WDR36: variants seen among roughly 807,000 people sequenced by gnomAD.
WDR36 encodes WD repeat-containing protein 36.
WDR36 carries 63 observed loss-of-function variants against 112.7 expected under a neutral mutation model. The observed-to-expected ratio is 0.56, with a 90% CI of 0.46 to 0.69. The LOEUF (loss-of-function observed/expected upper bound fraction) is 0.69, where lower values mean the gene tolerates loss of function less well. WDR36 is among the 30% of genes least tolerant of loss of function. WDR36 has a pLI of 0.00. For missense variants in WDR36, 1,226 were observed against 1,070.3 expected (o/e 1.15, Z -2.03); for synonymous variants, 410 against 362.2 (o/e 1.13, Z -1.50).
intron 17 of WDR36, 59 bp from the exon 18 acceptor site, chr5:111,120,436 GT>G: frequency 7.6e-7 from 1 of 1,309,728 alleles, no homozygotes; most frequent in South Asian, 1.2e-5. Context: ...ATTGTAGAGT[GT>G]TTCTCTGAAA....
At chr5:111,101,954 G>A (rs763368897) in intron 5 of WDR36, among the ~76,000 whole-genome samples, 4 of 151,604 alleles carry the variant, frequency 2.6e-5, no homozygotes, top group Non-Finnish European at 4.4e-5. Context: ...CATTACTGTT[G>A]TCATATAACA....
rs373996160 is a variant in WDR36 at position 111,095,704 on chromosome 5, A to G, written c.190+757A>G. 3.9e-5 allele frequency among the ~76,000 whole-genome samples: 6 copies of G among 152,348 alleles called. 1 individual carries two copies. The highest frequency in any genetic ancestry group is 1.9e-4 in the East Asian group (1 of 5,188). ...TTATACATATAGTCCAAAATCCAAA[A>G]AAATCCGGAATCTGAAACACTTCTG... On this transcript the variant is annotated intron_variant, in intron 2 of 22. Coordinates refer to ENST00000513710, the MANE Select transcript of WDR36 (RefSeq NM_139281.3).
chr5:111,098,909 T>A, intron 4 of WDR36, 70 bp downstream of exon 4: 1 of 1,092,372 alleles, frequency 9.2e-7, no homozygotes, highest in Non-Finnish European at 1.4e-6. Flanking sequence ...AAAATCTATG[T>A]AAACATCTAT....
chr5:111,121,025 C>A lies in WDR36; in HGVS notation c.2032C>A (p.Pro678Thr). ...DVEVSEETVE[P>T]SDELIEYDSP... is the part of the protein sequence containing the mutation. ...AGAAGTATCAGAAGAAACAGTAGAACCAAGTGATGAATTGATAGAATATGA... is the reference window on the plus strand; with the variant it reads ...AGAAGTATCAGAAGAAACAGTAGAAACAAGTGATGAATTGATAGAATATGA... Residue 678 changes from proline (P) to threonine (T), a missense_variant, in exon 19 of 23, where the codon CCA becomes ACA. Physicochemically the swap from Pro to Thr is conservative, Grantham distance 38 (BLOSUM62 -1). Coordinates refer to ENST00000513710, the MANE Select transcript of WDR36 (RefSeq NM_139281.3). The A allele has an allele frequency of 6.2e-7, 1 of 1,613,266 alleles. No individual in the cohort carries two copies. The highest frequency in any genetic ancestry group is 8.5e-7 in the Non-Finnish European group (1 of 1,179,520).
intron 5 of WDR36, among the ~76,000 whole-genome samples, chr5:111,101,810 C>CAAAGACAG (rs1159264899): frequency 2.6e-4 from 40 of 151,830 alleles, no homozygotes; most frequent in Non-Finnish European, 4.9e-4. Flanking sequence ...GACTGAAATA[C>CAAAGACAG]TGTCTTTGCC....
rs1299086397 is a variant in WDR36 at position 111,128,640 on chromosome 5, T to G, written c.*1757T>G. ...ATCATGAACCGAATTTTCTTCTCTT[T>G]TTAAAGTGAGCATAAAGACTTAAGT... On this transcript the variant is annotated 3_prime_UTR_variant, in exon 23 of 23. Coordinates refer to ENST00000513710, the MANE Select transcript of WDR36 (RefSeq NM_139281.3). 1.7e-5 allele frequency: 3 copies of G among 181,784 alleles called. No homozygotes were observed. Among genetic ancestry groups the G allele is most frequent in the Non-Finnish European group, 3.5e-5 (3 of 85,226 alleles). The allele number at this position is 181,784 out of a possible 1,614,324, so 11.3% of individuals were successfully genotyped here. A position where few individuals can be genotyped will look rare whatever the true frequency, so the allele number is the denominator to read the frequency against.
At chr5:111,097,006 T>C in intron 2 of WDR36, 73 bp from the exon 3 acceptor site, 1 of 1,009,252 alleles carries the variant, frequency 9.9e-7, no homozygotes, top group South Asian at 1.3e-5. Context: ...ATGAAAAATG[T>C]TATATGTATA....
At chr5:111,121,401 A>G (rs1561709920) in intron 19 of WDR36, among the ~76,000 whole-genome samples, 1 of 152,290 alleles carries the variant, frequency 6.6e-6, no homozygotes, top group East Asian at 1.9e-4. Flanking sequence ...GAGCTACTGG[A>G]AACTGATCTT....
chr5:111,094,909 T>G lies in WDR36; in HGVS notation c.163-11T>G, dbSNP rs369225885. On this transcript the variant is annotated splice_polypyrimidine_tract_variant and intron_variant, in intron 1 of 22. Transcript: ENST00000513710. The stretch of plus-strand genomic sequence containing the variant: ...TTAATGAAAATTTAACCTTTTTTCT[T>G]TTTTAAACAGGTTCAGAAACTTAGT... 1 of 1,597,444 alleles carries G rather than the reference T, an allele frequency of 6.3e-7. No individual in the cohort carries two copies. Among genetic ancestry groups the G allele is most frequent in the Non-Finnish European group, 8.6e-7 (1 of 1,169,008 alleles).
intron 8 of WDR36, 97 bp from the exon 9 acceptor site, chr5:111,104,600 A>G (rs901597969): frequency 1.9e-6 from 3 of 1,577,398 alleles, no homozygotes; most frequent in Admixed American, 1.7e-5. Flanking sequence ...CTTAGCAAGC[A>G]CTACTCAATA....
chr5:111,127,224 T>TA lies in WDR36; in HGVS notation c.*344dup. ...ACACCTGCCTTTTGTTTTGAAGACT[T>TA]AAAGAATCTGCTCAAATGATTTATT... On this transcript the variant is annotated 3_prime_UTR_variant, in exon 23 of 23. Transcript: ENST00000513710. 4.3e-6 allele frequency: 1 copy of TA among 232,478 alleles called. No homozygotes were observed. Among genetic ancestry groups the TA allele is most frequent in the Admixed American group, 5.5e-5 (1 of 18,224 alleles). 14.4% of individuals were successfully genotyped at this position (232,478 alleles called of 1,614,324 possible). A position where few individuals can be genotyped will look rare whatever the true frequency, so the allele number is the denominator to read the frequency against.
At chr5:111,109,674 C>A (rs1343985464) in intron 12 of WDR36, among the ~76,000 whole-genome samples, 1 of 151,078 alleles carries the variant, frequency 6.6e-6, no homozygotes, top group East Asian at 1.9e-4. Flanking sequence ...TATTATAGAA[C>A]CTGCTTATAA....
chr5:111,110,254 A>G lies in WDR36; in HGVS notation c.1392A>G (p.Val464=), dbSNP rs1561705902. Residue 464 remains valine (V), a synonymous_variant, in exon 13 of 23, where the codon GTA becomes GTG. Transcript: ENST00000513710. ...GCCTCTCATCAGGAACTGTAGATGT[A>G]TATAACATGCAGTCTGGCATACATC... ...VIGLSSGTVD[V]YNMQSGIHRG... 1.2e-6 allele frequency: 2 copies of G among 1,611,180 alleles called. No homozygotes were observed. Among genetic ancestry groups the G allele is most frequent in the Non-Finnish European group, 8.5e-7 (1 of 1,177,792 alleles).
chr5:111,095,440 A>G (rs1752954999), intron 2 of WDR36, among the ~76,000 whole-genome samples: 1 of 152,162 alleles, frequency 6.6e-6, no homozygotes, highest in Non-Finnish European at 1.5e-5. Context: ...GACTATGTAA[A>G]TATCTTAGTA....
chr5:111,095,068 C>A, intron 2 of WDR36, 121 bp downstream of exon 2: 1 of 877,560 alleles, frequency 1.1e-6, no homozygotes, highest in Non-Finnish European at 1.8e-6. Flanking sequence ...TATAAACTTA[C>A]ATTATCAGCA....
intron 17 of WDR36, 65 bp from the exon 18 acceptor site, chr5:111,120,431 A>T: frequency 1.6e-6 from 2 of 1,232,576 alleles, no homozygotes; most frequent in Non-Finnish European, 2.4e-6. Flanking sequence ...TCAAGATTGT[A>T]GAGTGTTTCT....
intron 20 of WDR36, 36 bp from the exon 21 acceptor site, chr5:111,124,072 A>C: frequency 6.2e-7 from 1 of 1,607,034 alleles, no homozygotes. Context: ...GTGATACTTG[A>C]ATTATTTGAA....
Position 111,104,766 on chromosome 5 carries a change from C to T in WDR36, c.976C>T (p.Leu326Phe), listed in dbSNP as rs751254660. ...LRFRMGHSAP[L>F]TNIRYYGQNG... ...ATTCAGAATGGGTCATAGTGCTCCTCTTACCAATATCAGATATTATGGACA... is the reference window on the plus strand; with the variant it reads ...ATTCAGAATGGGTCATAGTGCTCCTTTTACCAATATCAGATATTATGGACA... The change falls in exon 9 of 23, where the codon CTT (leucine) becomes TTT (phenylalanine). Residue 326 changes from leucine (L) to phenylalanine (F), a missense_variant. By Grantham distance (22) the Leu-to-Phe change is conservative (BLOSUM62 0). Coordinates refer to ENST00000513710, the MANE Select transcript of WDR36 (RefSeq NM_139281.3). 2.5e-6 allele frequency: 4 copies of T among 1,611,290 alleles called. No homozygotes were observed. Among genetic ancestry groups the T allele is most frequent in the Non-Finnish European group, 3.4e-6 (4 of 1,178,004 alleles).
At chr5:111,104,091 T>C in intron 7 of WDR36, 86 bp from the exon 8 acceptor site, 1 of 1,435,508 alleles carries the variant, frequency 7.0e-7, no homozygotes, top group South Asian at 1.3e-5. Context: ...TCTAACTTTA[T>C]GGATTAAAAG....
Sources: gnomAD v4.1 joint callset for allele counts (sites outside exome capture counted in the v4.1 genomes callset) on GRCh38, gnomAD v4.1.1 for gene constraint, MANE v1.5 for transcripts, NCBI Gene and HGNC (gene_info 2026-07-23, HGNC 2026-07-21) for gene names.